The following EPB42 variants were observed in gnomAD, a reference collection of about 807,000 sequenced individuals.
The protein encoded by EPB42 is erythrocyte membrane protein band 4.2.
EPB42 carries 49 observed loss-of-function variants against 76.9 expected under a neutral mutation model. The observed-to-expected ratio is 0.64, with a 90% CI of 0.51 to 0.81. The LOEUF is 0.81. Among genes scored for constraint, EPB42 ranks in the 30% least tolerant of loss-of-function variants. The pLI, the probability that EPB42 is intolerant of heterozygous loss-of-function variation, is 0.00. For missense variants in EPB42, 731 were observed against 867.6 expected, an observed-to-expected ratio of 0.84 and a Z score of 1.98; for synonymous variants, 310 against 338.4, an observed-to-expected ratio of 0.92 and a Z score of 0.92.
At chr15:43,213,399 C>T (rs779754883) in intron 3 of EPB42, among the ~76,000 whole-genome samples, 6 of 152,186 alleles carry the variant, frequency 3.9e-5, no homozygotes, top group Non-Finnish European at 7.3e-5. Flanking sequence ...ACTTCTCAGT[C>T]ACCTCCCAGA....
At chr15:43,221,163 G>C, upstream of EPB42, 1 of 382,626 alleles carries the variant, frequency 2.6e-6, no homozygotes. Flanking sequence ...AACTAGAGAA[G>C]CCTAGAACAA....
chr15:43,215,114 A>G lies in EPB42; in HGVS notation c.411T>C (p.Leu137=), dbSNP rs1445557679. 6.2e-7 allele frequency: 1 copy of G among 1,614,176 alleles called. No homozygotes were observed. The highest frequency in any genetic ancestry group is 8.5e-7 in the Non-Finnish European group (1 of 1,180,028). ...ACTTACCTCTATTCCAGGGGTTAAA[A>G]AGCAGTGTGAACTGACCCAAGAGGA... ...KQLLLGQFTL[L]FNPWNREDAV... The change falls in exon 3 of 13, where the codon CTT becomes CTC. Residue 137 remains leucine (L), a synonymous_variant. Transcript: ENST00000441366.
At chr15:43,203,929 C>T (rs2042164038) in intron 10 of EPB42, among the ~76,000 whole-genome samples, 1 of 152,210 alleles carries the variant, frequency 6.6e-6, no homozygotes, top group African/African-American at 2.4e-5. Flanking sequence ...TAGTAAGTGC[C>T]TGATAAATGT....
chr15:43,201,975 C>T lies in EPB42; in HGVS notation c.1782G>A (p.Met594Ile), dbSNP rs551989402. The change falls in exon 12 of 13, where the codon ATG becomes ATA. Residue 594 changes from methionine (M) to isoleucine (I), a missense_variant and splice_region_variant. Transcript: ENST00000441366. The part of the protein sequence containing the change: ...AICRPHLAIK[M>I]PEKAEQYQPL... The stretch of plus-strand genomic sequence containing the variant: ...GTTGATACTGCTCTGCTTTCTCTGG[C>T]ATCTGTGGGAAGAGGCAATACCTGG... The T allele has an allele frequency of 1.1e-5, 18 of 1,614,042 alleles. No homozygotes were observed. Among genetic ancestry groups the T allele is most frequent in the Middle Eastern group, 1.7e-4 (1 of 5,992 alleles).
At chr15:43,208,355 A>T (rs777832920) in intron 7 of EPB42, 22 bp from the exon 8 acceptor site, 5 of 1,611,376 alleles carry the variant, frequency 3.1e-6, no homozygotes, top group Non-Finnish European at 3.4e-6. Flanking sequence ...AAAGAGAAAA[A>T]TTCAAGTGGG....
At position 43,208,480 on chromosome 15, in the gene EPB42, G is replaced by A. The variant is rs182040356; in HGVS notation, c.972-147C>T. 45 of 1,405,818 alleles carry A rather than the reference G, an allele frequency of 3.2e-5. No individual in the cohort carries two copies. In the African/African-American group the frequency reaches 4.7e-4, roughly 15 times the overall value. 87.1% of individuals were successfully genotyped at this position (1,405,818 alleles called of 1,614,324 possible). A position where few individuals can be genotyped will look rare whatever the true frequency, so the allele number is the denominator to read the frequency against. On this transcript the variant is annotated intron_variant, in intron 7 of 12. Transcript: ENST00000441366. ...GGCTGTGGCACTCCCAGGAAGGGGC[G>A]TGCACACCATCACTGACCATCAGCG...
rs774204676 is a variant in EPB42 at position 43,208,293 on chromosome 15, C to T, written c.1012G>A (p.Ala338Thr). ...TSTECWMTRPALPQGYDGWQI... is the reference protein window; with the variant it reads ...TSTECWMTRPTLPQGYDGWQI... ...CATCCATCATAACCCTGGGGCAAGG[C>T]AGGCCGCGTCATCCAGCACTCTGTG... The change falls in exon 8 of 13, where the codon GCC becomes ACC. Residue 338 changes from alanine (A) to threonine (T), a missense_variant. Transcript: ENST00000441366. 1 of 1,614,168 alleles carries T rather than the reference C, an allele frequency of 6.2e-7. No individual in the cohort carries two copies. The highest frequency in any genetic ancestry group is 2.2e-5 in the East Asian group (1 of 44,880).
At chr15:43,210,522 G>A in intron 4 of EPB42, 83 bp from the exon 5 acceptor site, 1 of 1,231,802 alleles carries the variant, frequency 8.1e-7, no homozygotes, top group Non-Finnish European at 1.2e-6. Context: ...CACTCATCCT[G>A]CAGGACAGCC....
rs543943416 is a variant in EPB42 at position 43,220,596 on chromosome 15, C to T, written c.10+220G>A. ...CCGCCTCCACCAGCACCCATCATCA[C>T]ACCACGCTCCACAGCCAGCTCACTA... On this transcript the variant is annotated intron_variant, in intron 1 of 12. Transcript: ENST00000441366. 9.6e-5 allele frequency: 86 copies of T among 891,512 alleles called. 1 individual carries two copies. In the East Asian group the frequency reaches 1.8e-3, roughly 18 times the overall value. The allele number at this position is 891,512 out of a possible 1,614,324, so 55.2% of individuals were successfully genotyped here. A position where few individuals can be genotyped will look rare whatever the true frequency, so the allele number is the denominator to read the frequency against.
intron 1 of EPB42, among the ~76,000 whole-genome samples, chr15:43,217,748 T>A (rs1046669386): frequency 3.9e-5 from 6 of 152,184 alleles, no homozygotes; most frequent in Non-Finnish European, 7.3e-5. Context: ...GGAAGTGATA[T>A]GACCCTGATA....
rs767794191 is a variant in EPB42, at chr15:43,210,486, C to A, written c.550-47G>T. On this transcript the variant is annotated intron_variant, in intron 4 of 12. Transcript: ENST00000441366. Reference sequence around the variant, plus strand: ...CATGATGAAGGGTCCCCACACAGGGCCATGAGGAAGGGTCCCCAGGTCAGG... The same window carrying A: ...CATGATGAAGGGTCCCCACACAGGGACATGAGGAAGGGTCCCCAGGTCAGG... 31 of 1,570,058 alleles carry A rather than the reference C, an allele frequency of 2.0e-5. No individual in the cohort carries two copies. The Admixed American group carries it at 2.7e-4, about 14-fold the overall frequency.
chr15:43,208,629 C>T lies in EPB42; in HGVS notation c.971+8G>A, dbSNP rs562201313. 1.2e-5 allele frequency: 20 copies of T among 1,614,100 alleles called. No homozygotes were observed. The East Asian group carries it at 3.3e-4, about 27-fold the overall frequency. ...GGACTGGAACCTCATCTCCCTTGGG[C>T]TTCTCACCAGATTCTGCCTCTCTGG... On this transcript the variant is annotated splice_region_variant and intron_variant, in intron 7 of 12. Coordinates refer to ENST00000441366, the MANE Select transcript of EPB42 (RefSeq NM_001114134.2).
chr15:43,216,204 T>C (rs955065709), intron 2 of EPB42, 64 bp downstream of exon 2: 17 of 1,588,738 alleles, frequency 1.1e-5, no homozygotes, highest in Non-Finnish European at 1.5e-5. Context: ...CCTAACAGGG[T>C]GCTGGAGAGA....
chr15:43,197,639 A>G (rs992874821), intron 12 of EPB42, among the ~76,000 whole-genome samples, 175 bp from the exon 13 acceptor site: 2 of 152,244 alleles, frequency 1.3e-5, no homozygotes, highest in African/African-American at 4.8e-5. Context: ...GAGCCACCCA[A>G]TGCTGAGCAA....
upstream of EPB42, among the ~76,000 whole-genome samples, chr15:43,224,690 A>C (rs534881618): frequency 8.3e-4 from 127 of 152,390 alleles, no homozygotes; most frequent in African/African-American, 3.0e-3. Context: ...ATTATGGAAC[A>C]TGCATTCAAT....
chr15:43,224,436 T>C (rs1217559679), upstream of EPB42, among the ~76,000 whole-genome samples: 1 of 152,208 alleles, frequency 6.6e-6, no homozygotes, highest in Non-Finnish European at 1.5e-5. Flanking sequence ...TCTATACTTT[T>C]TGCTGCTCTG....
chr15:43,201,736 G>A, intron 12 of EPB42, 108 bp downstream of exon 12: 1 of 1,501,564 alleles, frequency 6.7e-7, no homozygotes, highest in Non-Finnish European at 9.3e-7. Context: ...GTTTCTAGGG[G>A]TATCTGCTGT....
chr15:43,210,559 C>T (rs776974789), intron 4 of EPB42, 120 bp from the exon 5 acceptor site: 26 of 870,962 alleles, frequency 3.0e-5, no homozygotes, highest in Non-Finnish European at 3.9e-5. Flanking sequence ...CTCCCAGACC[C>T]GCACTCCACA....
chr15:43,212,705 C>T (rs923716173), intron 3 of EPB42, among the ~76,000 whole-genome samples: 2 of 152,134 alleles, frequency 1.3e-5, no homozygotes, highest in Non-Finnish European at 2.9e-5. Flanking sequence ...CAGTCTCCTC[C>T]CGGTGCCCCT....
Sources: allele counts gnomAD v4.1 joint callset (sites outside exome capture counted in the v4.1 genomes callset), GRCh38; gene constraint gnomAD v4.1.1; transcripts MANE v1.5; gene names NCBI Gene and HGNC (gene_info 2026-07-23, HGNC 2026-07-21).